The following ALPL variants were observed in gnomAD, a reference collection of about 807,000 sequenced individuals.
ALPL encodes alkaline phosphatase, tissue-nonspecific isozyme.
A neutral mutation model predicts 51.3 loss-of-function variants in ALPL; 42 were observed. The observed-to-expected ratio is 0.82, with a 90% CI of 0.64 to 1.06. ALPL has a LOEUF of 1.06. Among genes scored for constraint, ALPL ranks in the 50% least tolerant of loss-of-function variants. ALPL has a pLI of 0.00. For missense variants in ALPL, 589 were observed against 709.4 expected (o/e 0.83, Z 1.93); for synonymous variants, 279 against 296.4 (o/e 0.94, Z 0.60).
chr1:21,541,812 CAG>C (rs1055224502), intron 1 of ALPL, among the ~76,000 whole-genome samples: 1 of 152,144 alleles, frequency 6.6e-6, no homozygotes, highest in African/African-American at 2.4e-5. Context: ...TGGGAGCGCT[CAG>C]GGGACAGCTG....
intron 10 of ALPL, among the ~76,000 whole-genome samples, 191 bp from the exon 11 acceptor site, chr1:21,576,331 T>C (rs1308774586): frequency 6.7e-6 from 1 of 149,570 alleles, no homozygotes. Context: ...GGGAGGGACA[T>C]GGGTACAATG....
At chr1:21,510,480 G>T (rs2148047038) in intron 1 of ALPL, among the ~76,000 whole-genome samples, 1 of 152,308 alleles carries the variant, frequency 6.6e-6, no homozygotes, top group Non-Finnish European at 1.5e-5. Context: ...GCAGGGGTTG[G>T]GTCCCAGCCT....
Position 21,573,962 on chromosome 1 carries a change from T to C in ALPL, c.997+163T>C, listed in dbSNP as rs1570299673. The C allele has an allele frequency of 7.1e-6, 7 of 985,220 alleles. No homozygotes were observed. The African/African-American group carries it at 1.2e-4, about 17-fold the overall frequency. The allele number at this position is 985,220 out of a possible 1,614,324, so 61.0% of individuals were successfully genotyped here. A position where few individuals can be genotyped will look rare whatever the true frequency, so the allele number is the denominator to read the frequency against. On this transcript the variant is annotated intron_variant, in intron 9 of 11. Coordinates refer to ENST00000374840, the MANE Select transcript of ALPL (RefSeq NM_000478.6). ...AGGAGACGGGTGGCACTGTAGACAC[T>C]CCCAGCCCAGCAAGCTGCTCTCCTT...
Position 21,554,811 on chromosome 1 carries a change from GTCTGTCTTTCTT to G in ALPL, c.61+673_61+684del, listed in dbSNP as rs1430902786. ...GGCCTGTCTGTCTGTCTGTCTGTCTGTCTGTCTTTCTTTCTTTCTTTCTTTCTTTCTTTCTTT... is the reference window on the plus strand; with the variant it reads ...GGCCTGTCTGTCTGTCTGTCTGTCTGTCTTTCTTTCTTTCTTTCTTTCTTT... On this transcript the variant is annotated intron_variant, in intron 2 of 11. Coordinates refer to ENST00000374840, the MANE Select transcript of ALPL (RefSeq NM_000478.6). Among the ~76,000 whole-genome samples, 247 of 48,302 alleles carry G rather than the reference GTCTGTCTTTCTT, an allele frequency of 5.1e-3. 1 individual carries two copies. Among genetic ancestry groups the G allele is most frequent in the African/African-American group, 0.013 (199 of 15,502 alleles). The allele number at this position is 48,302 out of a possible 152,430, so 31.7% of individuals were successfully genotyped here. A position where few individuals can be genotyped will look rare whatever the true frequency, so the allele number is the denominator to read the frequency against.
At chr1:21,574,796 G>A (rs1644703911) in intron 9 of ALPL, 1 of 152,282 alleles carries the variant, frequency 6.6e-6, no homozygotes, top group Admixed American at 6.5e-5. Context: ...GGCCAGGATG[G>A]GCCGCCCAGG....
intron 1 of ALPL, among the ~76,000 whole-genome samples, chr1:21,536,120 A>G (rs1644102342): frequency 1.3e-5 from 2 of 152,238 alleles, no homozygotes; most frequent in African/African-American, 4.8e-5. Flanking sequence ...GTAAACTTCA[A>G]TGGACAACAA....
chr1:21,523,426 G>A (rs944743525), intron 1 of ALPL, among the ~76,000 whole-genome samples: 11 of 152,346 alleles, frequency 7.2e-5, no homozygotes, highest in African/African-American at 2.6e-4. Flanking sequence ...GCCTCCTTCT[G>A]TAAAGACTCG....
At chr1:21,529,572 A>G (rs763203791) in intron 1 of ALPL, among the ~76,000 whole-genome samples, 1 of 152,090 alleles carries the variant, frequency 6.6e-6, no homozygotes, top group Non-Finnish European at 1.5e-5. Flanking sequence ...TCAAGCTAAT[A>G]ACTTAGCTCT....
chr1:21,563,167 T>C lies in ALPL; in HGVS notation c.355T>C (p.Cys119Arg). The change falls in exon 5 of 12, where the codon TGT becomes CGT. Residue 119 changes from cysteine (C) to arginine (R), a missense_variant. Physicochemically the swap from Cys to Arg is radical, Grantham distance 180. Transcript: ENST00000374840. ...DSAGTATAYLCGVKANEGTVG... is the reference protein window; with the variant it reads ...DSAGTATAYLRGVKANEGTVG... ...TGCCGGCACCGCCACCGCCTACCTG[T>C]GTGGGGTGAAGGCCAATGAGGGCAC... 1 of 1,613,874 alleles carries C rather than the reference T, an allele frequency of 6.2e-7. No homozygotes were observed. Among genetic ancestry groups the C allele is most frequent in the Non-Finnish European group, 8.5e-7 (1 of 1,180,014 alleles).
In ALPL at chr1:21,577,545, G is replaced by C; in HGVS notation, c.1472G>C (p.Gly491Ala). Residue 491 changes from glycine (G) to alanine (A), a missense_variant, in exon 12 of 12, where the codon GGG (glycine) becomes GCG (alanine). Physicochemically the swap from Gly to Ala is moderately conservative, Grantham distance 60. Transcript: ENST00000374840. Reference protein sequence around the residue: ...PHVMAYAACIGANLGHCAPAS... With the variant: ...PHVMAYAACIAANLGHCAPAS... ...GTGATGGCGTATGCAGCCTGCATCGGGGCCAACCTCGGCCACTGTGCTCCT... is the reference window on the plus strand; with the variant it reads ...GTGATGGCGTATGCAGCCTGCATCGCGGCCAACCTCGGCCACTGTGCTCCT... 6.2e-7 allele frequency: 1 copy of C among 1,606,010 alleles called. No homozygotes were observed. Among genetic ancestry groups the C allele is most frequent in the Non-Finnish European group, 8.5e-7 (1 of 1,179,860 alleles).
chr1:21,552,492 AAG>A (rs1447572362), intron 1 of ALPL, among the ~76,000 whole-genome samples: 3 of 151,842 alleles, frequency 2.0e-5, no homozygotes, highest in Admixed American at 6.5e-5. Flanking sequence ...AAAAAAAAAA[AAG>A]AAAAAGAAAA....
chr1:21,554,837 C>T (rs1644386023), intron 2 of ALPL, among the ~76,000 whole-genome samples: 1 of 134,994 alleles, frequency 7.4e-6, no homozygotes, highest in African/African-American at 2.7e-5. Flanking sequence ...TTCTTTCTTT[C>T]TTTCTTTCTT....
chr1:21,525,196 G>A (rs1020835908), intron 1 of ALPL, among the ~76,000 whole-genome samples: 11 of 152,354 alleles, frequency 7.2e-5, no homozygotes, highest in African/African-American at 2.6e-4. Flanking sequence ...GCGGCCACAT[G>A]ATTTGAATAA....
In ALPL at chr1:21,576,684, C is replaced by T. The variant is rs766514421; in HGVS notation, c.1309+43C>T. ...CAGGGCTGGGAGGGGACAGGGCACCCCTCGGGGATGGGCTTGGGAATAGGG... is the reference window on the plus strand; with the variant it reads ...CAGGGCTGGGAGGGGACAGGGCACCTCTCGGGGATGGGCTTGGGAATAGGG... On this transcript the variant is annotated intron_variant, in intron 11 of 11. Coordinates refer to ENST00000374840, the MANE Select transcript of ALPL (RefSeq NM_000478.6). 37 of 1,611,294 alleles carry T rather than the reference C, an allele frequency of 2.3e-5. No individual in the cohort carries two copies. In the Middle Eastern group the frequency reaches 9.9e-4, roughly 43 times the overall value.
intron 1 of ALPL, among the ~76,000 whole-genome samples, chr1:21,512,923 G>A (rs1643719791): frequency 6.6e-6 from 1 of 152,126 alleles, no homozygotes; most frequent in South Asian, 2.1e-4. Context: ...TAAACCAGAT[G>A]TGCTTTTGTT....
At chr1:21,516,574 G>A (rs1168661658) in intron 1 of ALPL, among the ~76,000 whole-genome samples, 1 of 152,222 alleles carries the variant, frequency 6.6e-6, no homozygotes, top group Admixed American at 6.5e-5. Context: ...CAGCTGGGAA[G>A]TGAGAAGTAG....
At chr1:21,567,546 G>A (rs141447623) in intron 6 of ALPL, among the ~76,000 whole-genome samples, 4,159 of 152,316 alleles carry the variant, frequency 0.027, 107 homozygotes, top group Non-Finnish European at 0.038. Context: ...GCCTTCCACC[G>A]TGGGAGAGGA....
chr1:21,538,334 G>A (rs1376430609), intron 1 of ALPL, among the ~76,000 whole-genome samples: 2 of 152,140 alleles, frequency 1.3e-5, no homozygotes, highest in Non-Finnish European at 2.9e-5. Flanking sequence ...AGGTCGCCGC[G>A]GAGATCAAAC....
rs2148193853 is a variant in ALPL, at chr1:21,577,127, C to T, written c.1310-256C>T. 2.6e-5 allele frequency among the ~76,000 whole-genome samples: 4 copies of T among 152,348 alleles called. No homozygotes were observed. The South Asian group carries it at 8.3e-4, about 32-fold the overall frequency. ...GCAATGGTAAGAGTCTCCCCGTCAA[C>T]TCTCCCTGCTAATCCAAGCAGCCCA... On this transcript the variant is annotated intron_variant, in intron 11 of 11. Coordinates refer to ENST00000374840, the MANE Select transcript of ALPL (RefSeq NM_000478.6).
Sources: gnomAD v4.1 joint callset for allele counts (sites outside exome capture counted in the v4.1 genomes callset) on GRCh38, gnomAD v4.1.1 for gene constraint, MANE v1.5 for transcripts, NCBI Gene and HGNC (gene_info 2026-07-23, HGNC 2026-07-21) for gene names.